Variants in ZNF138 observed in about 807,000 individuals in gnomAD.
ZNF138 encodes zinc finger protein 138.
ZNF138 carries 33 observed loss-of-function variants against 33.0 expected under a neutral mutation model. The observed-to-expected ratio is 1.00, with a 90% confidence interval of 0.76 to 1.34. ZNF138 has a LOEUF of 1.34. Ranked by LOEUF, ZNF138 falls within the 40% of genes most tolerant of loss-of-function variation. The pLI, the probability that ZNF138 is intolerant of heterozygous loss-of-function variation, is 0.00. For missense variants in ZNF138, 360 were observed against 370.8 expected (o/e 0.97, Z 0.24); for synonymous variants, 139 against 120.4 (o/e 1.15, Z -1.01).
chr7:64,853,256 C>T, the ZNF138 span: 1 of 1,610,248 alleles, frequency 6.2e-7, no homozygotes, highest in Non-Finnish European at 8.5e-7. Context: ...CATCTTGGGG[C>T]ACTTTGTAGC....
chr7:64,841,004 T>C, the ZNF138 span, among the ~76,000 whole-genome samples: 1 of 152,124 alleles, frequency 6.6e-6, no homozygotes, highest in Non-Finnish European at 1.5e-5. Flanking sequence ...ACTCTGCTTT[T>C]TTTTTAAATT....
downstream of ZNF138, among the ~76,000 whole-genome samples, chr7:64,837,968 C>T (rs10251096): frequency 0.99 from 150,025 of 152,244 alleles, 73,959 homozygotes; most frequent in East Asian, 1. Flanking sequence ...GCAGTGAAGG[C>T]GTCTGGCGGT....
At chr7:64,825,505 T>C (rs1789527595) in intron 3 of ZNF138, among the ~76,000 whole-genome samples, 1 of 150,442 alleles carries the variant, frequency 6.6e-6, no homozygotes. Context: ...TCGGGCATTT[T>C]CTTTTTCTTT....
intron 3 of ZNF138, among the ~76,000 whole-genome samples, chr7:64,824,493 G>A (rs1789414281): frequency 6.6e-6 from 1 of 152,104 alleles, no homozygotes; most frequent in Non-Finnish European, 1.5e-5. Context: ...TGTTGTCTAA[G>A]TTTTCTGTTT....
In ZNF138 at chr7:64,833,074, G is replaced by T; in HGVS notation, c.*872G>T. ...ACTATACATAAGATAATTTATACTGGAGCAAAACCTTGGAAATTCAAAGAA... is the reference window on the plus strand; with the variant it reads ...ACTATACATAAGATAATTTATACTGTAGCAAAACCTTGGAAATTCAAAGAA... On this transcript the variant is annotated 3_prime_UTR_variant, in exon 4 of 4. Transcript: ENST00000307355. 1 of 297,694 alleles carries T rather than the reference G, an allele frequency of 3.4e-6. No individual in the cohort carries two copies. Among genetic ancestry groups the T allele is most frequent in the South Asian group, 3.4e-5 (1 of 29,714 alleles). 18.4% of individuals were successfully genotyped at this position (297,694 alleles called of 1,614,324 possible).
intron 1 of ZNF138, among the ~76,000 whole-genome samples, chr7:64,795,078 T>C (rs1350402876): frequency 6.6e-6 from 1 of 152,088 alleles, no homozygotes; most frequent in Non-Finnish European, 1.5e-5. Flanking sequence ...TTGTATAAGG[T>C]GTATGATAAA....
chr7:64,807,838 G>T (rs1357276659), intron 1 of ZNF138, among the ~76,000 whole-genome samples: 1 of 152,192 alleles, frequency 6.6e-6, no homozygotes, highest in African/African-American at 2.4e-5. Context: ...GAATCTGTAA[G>T]TGTAAACAAG....
chr7:64,831,934 C>G lies in ZNF138; in HGVS notation c.692C>G (p.Ala231Gly). Residue 231 changes from alanine (A) to glycine (G), a missense_variant, in exon 4 of 4, where the codon GCC becomes GGC. Coordinates refer to ENST00000307355, the MANE Select transcript of ZNF138 (RefSeq NM_001271639.2). ...TACAAATGTGAAGTATGTGGAAAAG[C>G]CTTTCACCAATCCTCAATCCTTACT... ...KPYKCEVCGKAFHQSSILTKH... is the reference protein window; with the variant it reads ...KPYKCEVCGKGFHQSSILTKH... 1 of 1,613,520 alleles carries G rather than the reference C, an allele frequency of 6.2e-7. No homozygotes were observed. The highest frequency in any genetic ancestry group is 8.5e-7 in the Non-Finnish European group (1 of 1,179,748).
At chr7:64,845,530 A>G in the ZNF138 span, among the ~76,000 whole-genome samples, 1 of 152,218 alleles carries the variant, frequency 6.6e-6, no homozygotes, top group African/African-American at 2.4e-5. Context: ...GTGCTAGTTT[A>G]CATTCCCACC....
intron 3 of ZNF138, among the ~76,000 whole-genome samples, chr7:64,830,570 A>G (rs1010545553): frequency 6.6e-6 from 1 of 151,724 alleles, no homozygotes; most frequent in African/African-American, 2.4e-5. Flanking sequence ...TCATCTCCCC[A>G]CCTCATCCTC....
chr7:64,800,611 A>G (rs1444091094), intron 1 of ZNF138, among the ~76,000 whole-genome samples: 1 of 152,182 alleles, frequency 6.6e-6, no homozygotes, highest in Non-Finnish European at 1.5e-5. Context: ...AGATTTTTGC[A>G]TATCAATGGT....
At chr7:64,839,774 G>A in the ZNF138 span, among the ~76,000 whole-genome samples, 147 of 152,246 alleles carry the variant, frequency 9.7e-4, 1 homozygote, top group African/African-American at 2.9e-3. Context: ...GAGCCTCTGG[G>A]GGGCTTAGGA....
chr7:64,837,231 G>T (rs1210145584), downstream of ZNF138, among the ~76,000 whole-genome samples: 1 of 152,126 alleles, frequency 6.6e-6, no homozygotes, highest in Non-Finnish European at 1.5e-5. Context: ...GGTACCAGGA[G>T]GGAAGGCCTG....
In ZNF138 at chr7:64,815,562, T is replaced by C; in HGVS notation, c.131-14T>C. The C allele has an allele frequency of 6.2e-7, 1 of 1,603,506 alleles. No individual in the cohort carries two copies. The highest frequency in any genetic ancestry group is 8.5e-7 in the Non-Finnish European group (1 of 1,176,640). Reference sequence around the variant, plus strand: ...TTATTTTTAATAAAACAAGTATTGCTATCTCTAAGCCAGACCTGATTACCT... The same window carrying C: ...TTATTTTTAATAAAACAAGTATTGCCATCTCTAAGCCAGACCTGATTACCT... On this transcript the variant is annotated splice_polypyrimidine_tract_variant and intron_variant, in intron 2 of 3. Transcript: ENST00000307355.
At chr7:64,818,232 C>G (rs1477077727) in intron 3 of ZNF138, among the ~76,000 whole-genome samples, 1 of 151,938 alleles carries the variant, frequency 6.6e-6, no homozygotes, top group Non-Finnish European at 1.5e-5. Context: ...GTAGTCCCCC[C>G]ACCTCGGCCT....
chr7:64,852,514 A>G, the ZNF138 span: 2 of 1,574,436 alleles, frequency 1.3e-6, no homozygotes, highest in African/African-American at 2.7e-5. Flanking sequence ...CAATCCCAAT[A>G]ATCCATGCTT....
At chr7:64,837,423 T>C (rs576864524), downstream of ZNF138, among the ~76,000 whole-genome samples, 432 of 152,096 alleles carry the variant, frequency 2.8e-3, 3 homozygotes, top group African/African-American at 0.01. Flanking sequence ...TCTTAGCAGC[T>C]CCCTTAACAG....
intron 3 of ZNF138, among the ~76,000 whole-genome samples, chr7:64,826,005 T>C (rs531303526): frequency 1.0e-3 from 155 of 152,108 alleles, no homozygotes; most frequent in Non-Finnish European, 2.0e-3. Context: ...AGCTAGTTAT[T>C]TATGTATTTT....
chr7:64,822,494 A>C (rs1415583112), intron 3 of ZNF138, among the ~76,000 whole-genome samples: 1 of 151,498 alleles, frequency 6.6e-6, no homozygotes, highest in African/African-American at 2.5e-5. Flanking sequence ...AAATGATCCA[A>C]CTTAATTTAT....
Sources: allele counts gnomAD v4.1 joint callset (sites outside exome capture counted in the v4.1 genomes callset), GRCh38; gene constraint gnomAD v4.1.1; transcripts MANE v1.5; gene names NCBI Gene and HGNC (gene_info 2026-07-23, HGNC 2026-07-21).